DOC2B: variants seen among roughly 807,000 people sequenced by gnomAD.
DOC2B encodes double C2-like domain-containing protein beta.
Under a neutral mutation model 28.9 loss-of-function variants are expected in DOC2B, and 21 were observed. That is an observed-to-expected ratio of 0.73 (90% CI 0.52 to 1.05). The LOEUF is 1.05. Ranked by LOEUF, DOC2B falls within the 50% of genes least tolerant of loss-of-function variation. The probability of loss-of-function intolerance (pLI) is 0.00; values close to 1 mark genes in which losing one functional copy is unlikely to be tolerated. For missense variants in DOC2B, 384 were observed against 421.1 expected, an observed-to-expected ratio of 0.91 and a Z score of 0.77; for synonymous variants, 194 against 178.1, an observed-to-expected ratio of 1.09 and a Z score of -0.71.
At position 176,403 on chromosome 17, in the gene DOC2B, G is replaced by C. The variant is rs967260191; in HGVS notation, c.374-3787C>G. On this transcript the variant is annotated intron_variant, in intron 1 of 8. Coordinates refer to ENST00000613549, the MANE Select transcript of DOC2B (RefSeq NM_003585.5). ...ACAGTGGTGTTGGTGCGGGGGGTGCGGGGGGGTAGGTCTCACTACGTTGCT... is the reference window on the plus strand; with the variant it reads ...ACAGTGGTGTTGGTGCGGGGGGTGCCGGGGGGTAGGTCTCACTACGTTGCT... Among the ~76,000 whole-genome samples, 12 of 151,600 alleles carry C rather than the reference G, an allele frequency of 7.9e-5. No individual in the cohort carries two copies. The South Asian group carries it at 1.9e-3, about 24-fold the overall frequency.
At chr17:178,463 C>T (rs923324257) in intron 1 of DOC2B, among the ~76,000 whole-genome samples, 3 of 152,172 alleles carry the variant, frequency 2.0e-5, no homozygotes, top group Non-Finnish European at 4.4e-5. Context: ...AGGTGGGTGC[C>T]GGGCAGGAGA....
Position 181,377 on chromosome 17 carries a change from C to A in DOC2B, c.103G>T (p.Asp35Tyr). The A allele has an allele frequency of 8.7e-7, 1 of 1,145,994 alleles. No individual in the cohort carries two copies. Among genetic ancestry groups the A allele is most frequent in the Non-Finnish European group, 1.1e-6 (1 of 929,570 alleles). The allele number at this position is 1,145,994 out of a possible 1,614,324, so 71.0% of individuals were successfully genotyped here. ...GPIRPIKQIS[D>Y]YFPRFPRGLP... ...CCCCGCGGGAAGCGGGGGAAGTAGT[C>A]GGAGATCTGCTTGATGGGACGGATG... Residue 35 changes from aspartate (D) to tyrosine (Y), a missense_variant, in exon 1 of 9, where the codon GAC becomes TAC. Asp to Tyr is a radical substitution (Grantham distance 160). Coordinates refer to ENST00000613549, the MANE Select transcript of DOC2B (RefSeq NM_003585.5). The surrounding 1 kb of genome is among the most constrained non-coding windows in gnomAD (Gnocchi z 7.0).
rs1482738234 is a variant in DOC2B at position 146,906 on chromosome 17, T to A, written c.*535A>T. On this transcript the variant is annotated 3_prime_UTR_variant, in exon 9 of 9. Coordinates refer to ENST00000613549, the MANE Select transcript of DOC2B (RefSeq NM_003585.5). The stretch of plus-strand genomic sequence containing the variant: ...GAAGCATGTGCCAATTTACCCATCA[T>A]CAGGAGCCTCCGGGAACTCTGGCAG... 2.0e-5 allele frequency: 3 copies of A among 152,784 alleles called. No individual in the cohort carries two copies. The highest frequency in any genetic ancestry group is 4.8e-5 in the African/African-American group (2 of 41,506). 9.5% of individuals were successfully genotyped at this position (152,784 alleles called of 1,614,324 possible).
rs1484019111 is a variant in DOC2B at position 143,387 on chromosome 17, T to C, written c.*4054A>G. ...CTCTGTTGCCCAGGCTGGAGTGCGG[T>C]GGCGTGATCTCGGCTCACTGCAATC... On this transcript the variant is annotated 3_prime_UTR_variant, in exon 9 of 9. Transcript: ENST00000613549. 1.4e-5 allele frequency: 2 copies of C among 140,790 alleles called. No individual in the cohort carries two copies. The highest frequency in any genetic ancestry group is 3.0e-5 in the Non-Finnish European group (2 of 66,786). The allele number at this position is 140,790 out of a possible 1,614,324, so 8.7% of individuals were successfully genotyped here. A position where few individuals can be genotyped will look rare whatever the true frequency, so the allele number is the denominator to read the frequency against.
intron 6 of DOC2B, 118 bp downstream of exon 6, chr17:156,102 G>C: frequency 8.6e-7 from 1 of 1,161,672 alleles, no homozygotes; most frequent in Non-Finnish European, 1.2e-6. Flanking sequence ...GGAACACAGC[G>C]CCCCTGTACC....
In DOC2B at chr17:147,336, A is replaced by G; in HGVS notation, c.*105T>C. 2.5e-6 allele frequency: 1 copy of G among 397,494 alleles called. No homozygotes were observed. The highest frequency in any genetic ancestry group is 3.6e-5 in the East Asian group (1 of 28,016). 24.6% of individuals were successfully genotyped at this position (397,494 alleles called of 1,614,324 possible). A position where few individuals can be genotyped will look rare whatever the true frequency, so the allele number is the denominator to read the frequency against. On this transcript the variant is annotated 3_prime_UTR_variant, in exon 9 of 9. Transcript: ENST00000613549. The stretch of plus-strand genomic sequence containing the variant: ...CTCTGTGTCCAAGCAGGGGTTCTGG[A>G]TCTCCCCCAGTGTGGGGGCCACAGG...
chr17:161,344 C>A (rs2040200387), intron 5 of DOC2B, 71 bp downstream of exon 5: 1 of 1,474,528 alleles, frequency 6.8e-7, no homozygotes, highest in African/African-American at 1.4e-5. Flanking sequence ...CCATCACAGG[C>A]AGGAAGTTCT....
intron 1 of DOC2B, among the ~76,000 whole-genome samples, chr17:177,236 G>T (rs561661146): frequency 6.6e-6 from 1 of 152,090 alleles, no homozygotes; most frequent in Non-Finnish European, 1.5e-5. Flanking sequence ...GCTTAGAGAC[G>T]AGTGTTAAGA....
In DOC2B at chr17:174,565, T is replaced by C. The variant is rs559026124; in HGVS notation, c.374-1949A>G. Among the ~76,000 whole-genome samples the C allele has an allele frequency of 9.2e-5, 14 of 152,300 alleles. No homozygotes were observed. In the East Asian group the frequency reaches 2.7e-3, roughly 29 times the overall value. On this transcript the variant is annotated intron_variant, in intron 1 of 8. Coordinates refer to ENST00000613549, the MANE Select transcript of DOC2B (RefSeq NM_003585.5). ...TTTTGAATAACCTGAGTCATTGCTA[T>C]GGCCACGATGACTCTTCCGTATGTC...
intron 6 of DOC2B, 44 bp downstream of exon 6, chr17:156,176 G>T: frequency 6.6e-6 from 10 of 1,510,268 alleles, no homozygotes; most frequent in Non-Finnish European, 8.9e-6. Flanking sequence ...CCCCGTCCTT[G>T]GAGGTGAAGA....
chr17:166,707 C>T (rs71372135), intron 2 of DOC2B, among the ~76,000 whole-genome samples: 5 of 108,354 alleles, frequency 4.6e-5, no homozygotes, highest in African/African-American at 1.1e-4. Flanking sequence ...CTCTTCTTGA[C>T]GTAGTGAATA....
chr17:164,147 G>A lies in DOC2B; in HGVS notation c.511C>T (p.Leu171=), dbSNP rs1314448888. The part of the protein sequence containing the change: ...LADPYVKLHL[L]PGASKANKLR... The stretch of plus-strand genomic sequence containing the variant: ...CCCCTCACCTTACTGGCTCCTGGCA[G>A]CAGGTGCAGCTTGACGTAGGGGTCT... The change falls in exon 3 of 9, where the codon CTG becomes TTG. Residue 171 remains leucine (L), a synonymous_variant. Transcript: ENST00000613549. 1 of 1,553,176 alleles carries A rather than the reference G, an allele frequency of 6.4e-7. No homozygotes were observed. Among genetic ancestry groups the A allele is most frequent in the Admixed American group, 2.0e-5 (1 of 51,216 alleles).
chr17:153,097 C>T (rs955446800), intron 6 of DOC2B, among the ~76,000 whole-genome samples: 14 of 151,818 alleles, frequency 9.2e-5, no homozygotes, highest in African/African-American at 3.1e-4. Flanking sequence ...GTGGAGGTCT[C>T]GGGTGAGGCG....
intron 5 of DOC2B, among the ~76,000 whole-genome samples, chr17:157,918 A>G (rs992837902): frequency 2.0e-5 from 3 of 152,242 alleles, no homozygotes; most frequent in Non-Finnish European, 4.4e-5. Context: ...AGGTCTGCCC[A>G]TGACAATGGA....
intron 1 of DOC2B, among the ~76,000 whole-genome samples, chr17:173,353 TGGGGCAGAGCTTGGAGATGATGGTGG>T (rs1213559804): frequency 3.9e-5 from 6 of 152,002 alleles, no homozygotes; most frequent in Non-Finnish European, 8.8e-5. Context: ...AGGTGATGGT[TGGGGCAGAGCTTGGAGATGATGGTGG>T]GGGGCAGAGC....
chr17:164,031 C>G (rs552138140), intron 3 of DOC2B, 99 bp downstream of exon 3: 4 of 986,670 alleles, frequency 4.1e-6, no homozygotes, highest in Middle Eastern at 2.4e-4. Flanking sequence ...CCTGGGTGCC[C>G]GCAGCCCAGT....
rs1459040371 is a variant in DOC2B at position 143,587 on chromosome 17, A to G, written c.*3854T>C. The G allele has an allele frequency of 1.3e-5, 2 of 151,792 alleles. No individual in the cohort carries two copies. Among genetic ancestry groups the G allele is most frequent in the Non-Finnish European group, 2.9e-5 (2 of 68,006 alleles). The allele number at this position is 151,792 out of a possible 1,614,324, so 9.4% of individuals were successfully genotyped here. On this transcript the variant is annotated 3_prime_UTR_variant, in exon 9 of 9. Transcript: ENST00000613549. ...GGTCTCGAACTCCAGGCCTCAAGCAATTCTCCCACCTCGACCTCCAAAAGT... is the reference window on the plus strand; with the variant it reads ...GGTCTCGAACTCCAGGCCTCAAGCAGTTCTCCCACCTCGACCTCCAAAAGT...
chr17:165,048 C>T (rs2040246367), intron 2 of DOC2B, among the ~76,000 whole-genome samples: 1 of 152,140 alleles, frequency 6.6e-6, no homozygotes, highest in Admixed American at 6.5e-5. Context: ...CTCGGTTTGA[C>T]GGAGCTCTGG....
Position 181,019 on chromosome 17 carries a change from G to A in DOC2B, c.373+88C>T. The A allele has an allele frequency of 9.1e-7, 1 of 1,103,360 alleles. No individual in the cohort carries two copies. Among genetic ancestry groups the A allele is most frequent in the Non-Finnish European group, 1.1e-6 (1 of 877,180 alleles). 68.3% of individuals were successfully genotyped at this position (1,103,360 alleles called of 1,614,324 possible). The stretch of plus-strand genomic sequence containing the variant: ...CGAGGCAGAGCGCGAGCGCGCGAGG[G>A]GGACCGGCGGAGGGAAGCCGCGAGG... On this transcript the variant is annotated intron_variant, in intron 1 of 8. Transcript: ENST00000613549. This position sits in a 1 kb window ranked among gnomAD's most constrained non-coding sequence, Gnocchi z 7.0.
Sources: allele counts gnomAD v4.1 joint callset (sites outside exome capture counted in the v4.1 genomes callset), GRCh38; gene constraint gnomAD v4.1.1; non-coding constraint Gnocchi (gnomAD v3.1); transcripts MANE v1.5; gene names NCBI Gene and HGNC (gene_info 2026-07-23, HGNC 2026-07-21).